RSBN1L: variants seen among roughly 807,000 people sequenced by gnomAD.
RSBN1L encodes lysine-specific demethylase RSBN1L.
Under a neutral mutation model 67.7 loss-of-function variants are expected in RSBN1L, and 30 were observed. The observed-to-expected ratio is 0.44, with a 90% CI of 0.33 to 0.60. The LOEUF (loss-of-function observed/expected upper bound fraction) is 0.60, where lower values mean the gene tolerates loss of function less well. RSBN1L is among the 20% of genes least tolerant of loss of function. RSBN1L has a pLI of 0.02. For synonymous variants in RSBN1L, 433 were observed against 387.0 expected, an observed-to-expected ratio of 1.12 and a Z score of -1.39; for missense variants, 992 against 1,031.7, an observed-to-expected ratio of 0.96 and a Z score of 0.53.
chr7:77,724,214 T>A (rs1791160679), intron 1 of RSBN1L, among the ~76,000 whole-genome samples: 1 of 152,152 alleles, frequency 6.6e-6, no homozygotes, highest in Non-Finnish European at 1.5e-5. Flanking sequence ...GAAACTTTTT[T>A]TAATGTGTTT....
intron 1 of RSBN1L, among the ~76,000 whole-genome samples, chr7:77,723,892 C>A (rs1488124130): frequency 6.6e-6 from 1 of 152,092 alleles, no homozygotes; most frequent in Admixed American, 6.6e-5. Context: ...TGAGATCACG[C>A]CACTGCACTC....
intron 2 of RSBN1L, among the ~76,000 whole-genome samples, chr7:77,737,452 C>T (rs1313544567): frequency 1.3e-5 from 2 of 152,148 alleles, no homozygotes; most frequent in Non-Finnish European, 2.9e-5. Context: ...GTATTAGATT[C>T]TGTATTTTCA....
chr7:77,757,394 A>C (rs977878338), intron 3 of RSBN1L, among the ~76,000 whole-genome samples: 1 of 152,206 alleles, frequency 6.6e-6, no homozygotes, highest in Non-Finnish European at 1.5e-5. Context: ...TTAACAGGTC[A>C]TGTCATTTCT....
intron 1 of RSBN1L, among the ~76,000 whole-genome samples, chr7:77,708,509 G>A (rs1265944338): frequency 6.6e-6 from 1 of 151,950 alleles, no homozygotes; most frequent in Non-Finnish European, 1.5e-5. Context: ...AGCCTCCGGA[G>A]TAGCTGGGAC....
chr7:77,696,800 G>A lies in RSBN1L; in HGVS notation c.331G>A (p.Ala111Thr). The change falls in exon 1 of 8, where the codon GCC (alanine) becomes ACC (threonine). Residue 111 changes from alanine (A) to threonine (T), a missense_variant. Physicochemically the swap from Ala to Thr is moderately conservative, Grantham distance 58 (BLOSUM62 0). Transcript: ENST00000334955. ...CAGTTTCTCTTTCTCCGCTGGCACG[G>A]CCGTTCCCTCCTCAGCCTCCGCTTC... ...RSSFSFSAGT[A>T]VPSSASASLS... 1 of 1,613,716 alleles carries A rather than the reference G, an allele frequency of 6.2e-7. No homozygotes were observed.
rs191956215 is a variant in RSBN1L at position 77,719,514 on chromosome 7, G to A, written c.587-16896G>A. Among the ~76,000 whole-genome samples, 41 of 152,308 alleles carry A rather than the reference G, an allele frequency of 2.7e-4. 2 individuals carry two copies. In the East Asian group the frequency reaches 7.1e-3, roughly 26 times the overall value. ...GGTTGTATATATGTGAAACAATCAC[G>A]TTTGATATAGTAGCTATAGACACAC... On this transcript the variant is annotated intron_variant, in intron 1 of 7. Transcript: ENST00000334955.
intron 3 of RSBN1L, among the ~76,000 whole-genome samples, chr7:77,752,001 A>G (rs1791562237): frequency 6.6e-6 from 1 of 152,262 alleles, no homozygotes; most frequent in African/African-American, 2.4e-5. Context: ...TGGTTTTTCA[A>G]ATAAGTTTAG....
At chr7:77,747,818 C>G (rs1034593369) in intron 2 of RSBN1L, among the ~76,000 whole-genome samples, 11 of 151,838 alleles carry the variant, frequency 7.2e-5, no homozygotes, top group African/African-American at 2.4e-4. Context: ...AGAAATACTT[C>G]AGACTGGGTA....
intron 2 of RSBN1L, among the ~76,000 whole-genome samples, chr7:77,739,739 CTTTTTTTTTTTTT>C (rs1173154183): frequency 4.5e-4 from 19 of 42,684 alleles, no homozygotes; most frequent in African/African-American, 1.7e-3. Flanking sequence ...AAAAATGTGT[CTTTTTTTTTTTTT>C]TTTTTTTTTT....
At chr7:77,766,759 G>A (rs1482343520) in intron 4 of RSBN1L, among the ~76,000 whole-genome samples, 1 of 151,878 alleles carries the variant, frequency 6.6e-6, no homozygotes, top group Non-Finnish European at 1.5e-5. Flanking sequence ...TATTACTTCT[G>A]TTTGCTTGGT....
At chr7:77,765,467 A>G (rs778286820) in intron 3 of RSBN1L, 28 bp from the exon 4 acceptor site, 2 of 1,503,304 alleles carry the variant, frequency 1.3e-6, no homozygotes, top group Admixed American at 4.1e-5. Context: ...AACGTATTTA[A>G]CTTTTAATTA....
At position 77,749,651 on chromosome 7, in the gene RSBN1L, A is replaced by C. The variant is rs1341091228; in HGVS notation, c.931A>C (p.Lys311Gln). Residue 311 changes from lysine (K) to glutamine (Q), a missense_variant, in exon 3 of 8, where the codon AAG (lysine) becomes CAG (glutamine). By Grantham distance (53) the Lys-to-Gln change is moderately conservative (BLOSUM62 1). This residue lies in a region of RSBN1L where 575 missense variants were observed against 483.2 expected (regional missense o/e 1.19). Transcript: ENST00000334955. ...KDYVGKNLDT[K>Q]NYDSKIPENS... ...TTACGTTGGGAAGAATTTGGATACC[A>C]AGAACTATGATTCCAAAATTCCAGA... The C allele has an allele frequency of 3.1e-6, 5 of 1,614,074 alleles. No individual in the cohort carries two copies. The highest frequency in any genetic ancestry group is 8.5e-7 in the Non-Finnish European group (1 of 1,180,032).
At chr7:77,744,848 C>T (rs941555804) in intron 2 of RSBN1L, among the ~76,000 whole-genome samples, 7 of 152,184 alleles carry the variant, frequency 4.6e-5, no homozygotes, top group African/African-American at 1.4e-4. Context: ...TGAATTATCA[C>T]GTCTGTGAAT....
chr7:77,727,710 C>T (rs1433074838), intron 1 of RSBN1L, among the ~76,000 whole-genome samples: 2 of 151,818 alleles, frequency 1.3e-5, no homozygotes, highest in East Asian at 1.9e-4. Flanking sequence ...AAGTACACCT[C>T]GTGCCTGAGC....
chr7:77,750,431 GCTTTAAGGTA>G (rs1791542914), intron 3 of RSBN1L, among the ~76,000 whole-genome samples: 1 of 150,084 alleles, frequency 6.7e-6, no homozygotes, highest in Non-Finnish European at 1.5e-5. Context: ...GCTTTAGGAT[GCTTTAAGGTA>G]CTTAGCACCA....
intron 3 of RSBN1L, among the ~76,000 whole-genome samples, chr7:77,763,121 G>C (rs1791716857): frequency 6.9e-6 from 1 of 145,776 alleles, no homozygotes. Context: ...GTACTTATTT[G>C]TATGAGGTGG....
In RSBN1L at chr7:77,715,465, C is replaced by T. The variant is rs373549511; in HGVS notation, c.586+18410C>T. On this transcript the variant is annotated intron_variant, in intron 1 of 7. Coordinates refer to ENST00000334955, the MANE Select transcript of RSBN1L (RefSeq NM_198467.3). The stretch of plus-strand genomic sequence containing the variant: ...GATTACAGATGCCCGCCACCACACT[C>T]GGGTAATTTTTTAAAAATTTTTAGT... Among the ~76,000 whole-genome samples the T allele has an allele frequency of 3.7e-4, 56 of 151,998 alleles. No individual in the cohort carries two copies. The East Asian group carries it at 9.3e-3, about 25-fold the overall frequency.
chr7:77,750,899 TA>T (rs1158045965), intron 3 of RSBN1L, among the ~76,000 whole-genome samples: 1 of 152,170 alleles, frequency 6.6e-6, no homozygotes, highest in Non-Finnish European at 1.5e-5. Flanking sequence ...TAAACAGACG[TA>T]GAGAGAGAGG....
intron 1 of RSBN1L, among the ~76,000 whole-genome samples, chr7:77,711,577 C>T (rs887328486): frequency 2.0e-5 from 3 of 152,028 alleles, no homozygotes; most frequent in Admixed American, 6.6e-5. Context: ...TCCTGCGTTC[C>T]GGCAATCCTC....
Sources: gnomAD v4.1 joint callset for allele counts (sites outside exome capture counted in the v4.1 genomes callset) on GRCh38, gnomAD v4.1.1 for gene constraint, gnomAD v4.1.1 regional missense constraint, MANE v1.5 for transcripts, NCBI Gene and HGNC (gene_info 2026-07-23, HGNC 2026-07-21) for gene names.